TMTC3: variants seen among roughly 807,000 people sequenced by gnomAD.
TMTC3 encodes transmembrane O-mannosyltransferase targeting cadherins 3, also known as protein O-mannosyl-transferase TMTC3.
In TMTC3, 52 loss-of-function variants were observed where a neutral mutation model predicts 92.2. That is an observed-to-expected ratio of 0.56 (90% CI 0.45 to 0.71). TMTC3 has a LOEUF of 0.71. TMTC3 is among the 30% of genes least tolerant of loss of function. The pLI is 0.00. For missense variants in TMTC3, 896 were observed against 1,057.1 expected (o/e 0.85, Z 2.11); for synonymous variants, 339 against 363.3 (o/e 0.93, Z 0.76).
intron 4 of TMTC3, among the ~76,000 whole-genome samples, chr12:88,157,385 T>G (rs1415185546): frequency 6.6e-6 from 1 of 151,772 alleles, no homozygotes; most frequent in East Asian, 1.9e-4. Flanking sequence ...TCATTTTAAC[T>G]TCTATATTCA....
Position 88,183,665 on chromosome 12 carries a change from G to C in TMTC3, c.1433-5178G>C, listed in dbSNP as rs561914136. 1.1e-4 allele frequency among the ~76,000 whole-genome samples: 17 copies of C among 152,240 alleles called. No individual in the cohort carries two copies. The South Asian group carries it at 3.5e-3, about 32-fold the overall frequency. On this transcript the variant is annotated intron_variant, in intron 10 of 13. Coordinates refer to ENST00000266712, the MANE Select transcript of TMTC3 (RefSeq NM_181783.4). ...GCCCTAACTAAGGGCCATAACATTA[G>C]AGATGCTACTGGGACCTGATATCCT...
intron 13 of TMTC3, 89 bp from the exon 14 acceptor site, chr12:88,194,749 T>C (rs1231496288): frequency 1.1e-6 from 1 of 900,416 alleles, no homozygotes; most frequent in Non-Finnish European, 1.5e-6. Flanking sequence ...AAGCTGTCTT[T>C]TTGTAATCTA....
At chr12:88,192,028 C>CT (rs112229647) in intron 12 of TMTC3, among the ~76,000 whole-genome samples, 1,575 of 122,984 alleles carry the variant, frequency 0.013, 12 homozygotes, top group Non-Finnish European at 0.02. Flanking sequence ...TTTTTTTTTT[C>CT]TTTTTTTTTT....
At position 88,199,439 on chromosome 12, in the gene TMTC3, A is replaced by ATAT. The variant is rs1279193588; in HGVS notation, c.*3793_*3795dup. On this transcript the variant is annotated 3_prime_UTR_variant, in exon 14 of 14. Transcript: ENST00000266712. Reference sequence around the variant, plus strand: ...GTTTCTAGCACATAGCAAATAATAAATATTAGTTATTAGTATAAACATAAG... The same window carrying ATAT: ...GTTTCTAGCACATAGCAAATAATAAATATTATTAGTTATTAGTATAAACATAAG... 6.6e-6 allele frequency: 1 copy of ATAT among 152,014 alleles called. No homozygotes were observed. Among genetic ancestry groups the ATAT allele is most frequent in the African/African-American group, 2.4e-5 (1 of 41,428 alleles). 9.4% of individuals were successfully genotyped at this position (152,014 alleles called of 1,614,324 possible). A position where few individuals can be genotyped will look rare whatever the true frequency, so the allele number is the denominator to read the frequency against.
chr12:88,182,201 A>G (rs2041325774), intron 10 of TMTC3, among the ~76,000 whole-genome samples: 1 of 152,218 alleles, frequency 6.6e-6, no homozygotes, highest in South Asian at 2.1e-4. Context: ...CATCCTAGGA[A>G]GCATAGCCCT....
At position 88,192,741 on chromosome 12, in the gene TMTC3, A is replaced by C; in HGVS notation, c.1844A>C (p.Glu615Ala). Residue 615 changes from glutamate (E) to alanine (A), a missense_variant, in exon 13 of 14, where the codon GAA (glutamate) becomes GCA (alanine). Physicochemically the swap from Glu to Ala is moderately radical, Grantham distance 107. Coordinates refer to ENST00000266712, the MANE Select transcript of TMTC3 (RefSeq NM_181783.4). The stretch of plus-strand genomic sequence containing the variant: ...CATATTGAACTTAAAGAACCAAATG[A>C]AGCCCTAAAAAACTTTAATCGTGCT... ...IVHIELKEPN[E>A]ALKNFNRALE... 1 of 1,613,552 alleles carries C rather than the reference A, an allele frequency of 6.2e-7. No individual in the cohort carries two copies. The highest frequency in any genetic ancestry group is 8.5e-7 in the Non-Finnish European group (1 of 1,179,692).
At chr12:88,175,307 T>TA (rs1049183200) in intron 9 of TMTC3, among the ~76,000 whole-genome samples, 10 of 152,290 alleles carry the variant, frequency 6.6e-5, no homozygotes, top group African/African-American at 2.4e-4. Flanking sequence ...AAAGGTCTTT[T>TA]AAAAAACAAA....
chr12:88,158,446 T>C (rs2041035552), intron 4 of TMTC3, among the ~76,000 whole-genome samples: 1 of 152,150 alleles, frequency 6.6e-6, no homozygotes, highest in Admixed American at 6.5e-5. Flanking sequence ...TGTAATATAA[T>C]CTATTATATT....
chr12:88,146,185 G>A (rs1407120943), intron 1 of TMTC3, among the ~76,000 whole-genome samples: 1 of 152,062 alleles, frequency 6.6e-6, no homozygotes, highest in Non-Finnish European at 1.5e-5. Flanking sequence ...AGTAACCTAA[G>A]ATGACTCCAC....
intron 4 of TMTC3, among the ~76,000 whole-genome samples, chr12:88,155,764 T>A (rs374365476): frequency 1.4e-4 from 21 of 152,212 alleles, no homozygotes; most frequent in African/African-American, 5.1e-4. Context: ...TTGGTGCTTT[T>A]TAATGATTTC....
intron 13 of TMTC3, among the ~76,000 whole-genome samples, chr12:88,194,614 C>T (rs1383350768): frequency 1.3e-5 from 2 of 152,062 alleles, no homozygotes; most frequent in South Asian, 2.1e-4. Context: ...TTCTGAAGCA[C>T]TGTTACTGCT....
intron 13 of TMTC3, 34 bp downstream of exon 13, chr12:88,192,864 A>G (rs1033527096): frequency 7.8e-6 from 12 of 1,533,388 alleles, no homozygotes; most frequent in Non-Finnish European, 9.7e-6. Context: ...GTTTATATAA[A>G]TTGTAGTTTA....
At position 88,153,281 on chromosome 12, in the gene TMTC3, T is replaced by C; in HGVS notation, c.190-10T>C. 1 of 1,599,326 alleles carries C rather than the reference T, an allele frequency of 6.3e-7. No individual in the cohort carries two copies. The highest frequency in any genetic ancestry group is 1.1e-5 in the South Asian group (1 of 89,188). ...TACTTTAATAATCACTGATCGTTTT[T>C]TCCTTGTAGGAGAGAAGCCACAAGT... On this transcript the variant is annotated splice_polypyrimidine_tract_variant and intron_variant, in intron 2 of 13. Coordinates refer to ENST00000266712, the MANE Select transcript of TMTC3 (RefSeq NM_181783.4).
At position 88,197,974 on chromosome 12, in the gene TMTC3, T is replaced by G. The variant is rs1327394323; in HGVS notation, c.*2325T>G. 5.5e-6 allele frequency: 1 copy of G among 180,326 alleles called. No individual in the cohort carries two copies. The highest frequency in any genetic ancestry group is 2.3e-5 in the African/African-American group (1 of 42,704). The allele number at this position is 180,326 out of a possible 1,614,324, so 11.2% of individuals were successfully genotyped here. A position where few individuals can be genotyped will look rare whatever the true frequency, so the allele number is the denominator to read the frequency against. ...ACTGCTCTAAATTAGTGCAGGAAAA[T>G]GCTTTTATTTCTCCCATGTTAACTT... On this transcript the variant is annotated 3_prime_UTR_variant, in exon 14 of 14. Transcript: ENST00000266712.
rs748081487 is a variant in TMTC3 at position 88,172,588 on chromosome 12, T to A, written c.1051-9T>A. 2.2e-6 allele frequency: 3 copies of A among 1,351,830 alleles called. No homozygotes were observed. Among genetic ancestry groups the A allele is most frequent in the Admixed American group, 5.8e-5 (2 of 34,550 alleles). 83.7% of individuals were successfully genotyped at this position (1,351,830 alleles called of 1,614,324 possible). On this transcript the variant is annotated splice_polypyrimidine_tract_variant and intron_variant, in intron 7 of 13. Coordinates refer to ENST00000266712, the MANE Select transcript of TMTC3 (RefSeq NM_181783.4). The stretch of plus-strand genomic sequence containing the variant: ...TATAAATTATTAAATCTTCTTTTTT[T>A]TTTTGTAGGCGCTTTGTTTAATGGC...
chr12:88,191,154 C>T (rs575366492), intron 12 of TMTC3, among the ~76,000 whole-genome samples: 35 of 151,956 alleles, frequency 2.3e-4, no homozygotes, highest in South Asian at 1.0e-3. Flanking sequence ...TTTTAAACTT[C>T]GTTTTGTAGC....
chr12:88,150,911 A>T (rs529402384), intron 2 of TMTC3, among the ~76,000 whole-genome samples: 1 of 152,222 alleles, frequency 6.6e-6, no homozygotes, highest in South Asian at 2.1e-4. Flanking sequence ...CTTTGGACTC[A>T]TGTGAACCTC....
At chr12:88,164,189 CAAAAA>C (rs1008391943) in intron 6 of TMTC3, among the ~76,000 whole-genome samples, 1 of 48,794 alleles carries the variant, frequency 2.0e-5, no homozygotes. Flanking sequence ...GACTTTGTCT[CAAAAA>C]AAAAAAAAAA....
intron 10 of TMTC3, among the ~76,000 whole-genome samples, chr12:88,176,639 G>C (rs1289785885): frequency 6.6e-6 from 1 of 152,080 alleles, no homozygotes; most frequent in African/African-American, 2.4e-5. Flanking sequence ...GCCAGGCATG[G>C]TGGTGTGGGC....
Sources: gnomAD v4.1 joint callset for allele counts (sites outside exome capture counted in the v4.1 genomes callset) on GRCh38, gnomAD v4.1.1 for gene constraint, MANE v1.5 for transcripts, NCBI Gene and HGNC (gene_info 2026-07-23, HGNC 2026-07-21) for gene names.